The following SLC24A2 variants were observed in gnomAD, a reference collection of about 807,000 sequenced individuals.
The protein encoded by SLC24A2 is solute carrier family 24 member 2.
Under a neutral mutation model 62.0 loss-of-function variants are expected in SLC24A2, and 36 were observed. The observed-to-expected ratio is 0.58, with a 90% CI of 0.44 to 0.77. The LOEUF is 0.77. SLC24A2 is among the 30% of genes least tolerant of loss of function. The pLI, the probability that SLC24A2 is intolerant of heterozygous loss-of-function variation, is 0.00. For missense variants in SLC24A2, 846 were observed against 817.9 expected (o/e 1.03, Z -0.42); for synonymous variants, 358 against 294.0 (o/e 1.22, Z -2.23).
At chr9:20,078,386 C>T in the SLC24A2 span, among the ~76,000 whole-genome samples, 1 of 150,906 alleles carries the variant, frequency 6.6e-6, no homozygotes, top group South Asian at 2.1e-4. Context: ...GCTGAGACTG[C>T]CCTACCCACT....
intron 2 of SLC24A2, among the ~76,000 whole-genome samples, chr9:19,682,405 T>C (rs1228421342): frequency 6.6e-6 from 1 of 152,108 alleles, no homozygotes; most frequent in African/African-American, 2.4e-5. Flanking sequence ...TAATGGATAG[T>C]AGCAGGAATA....
the SLC24A2 span, among the ~76,000 whole-genome samples, chr9:20,176,061 T>C: frequency 6.6e-6 from 1 of 152,062 alleles, no homozygotes; most frequent in African/African-American, 2.4e-5. Flanking sequence ...ACCAGTCTCA[T>C]GCTTCCATGA....
chr9:19,729,637 G>A (rs1455163777), intron 2 of SLC24A2, among the ~76,000 whole-genome samples: 3 of 152,004 alleles, frequency 2.0e-5, no homozygotes, highest in African/African-American at 7.3e-5. Flanking sequence ...ATGTTCTCAC[G>A]CATATGTAGA....
the SLC24A2 span, among the ~76,000 whole-genome samples, chr9:20,271,468 T>C: frequency 6.7e-6 from 1 of 149,184 alleles, no homozygotes; most frequent in African/African-American, 2.4e-5. Flanking sequence ...AATTTCCTTT[T>C]TTATTTTTTC....
At chr9:20,087,917 G>A in the SLC24A2 span, among the ~76,000 whole-genome samples, 1 of 152,170 alleles carries the variant, frequency 6.6e-6, no homozygotes, top group Non-Finnish European at 1.5e-5. Context: ...GGGAAGCGGT[G>A]AGTGAGTGAG....
At chr9:19,826,282 T>C in the SLC24A2 span, among the ~76,000 whole-genome samples, 152 of 151,950 alleles carry the variant, frequency 1.0e-3, no homozygotes, top group African/African-American at 3.2e-3. Flanking sequence ...GGGAGTTACC[T>C]TCTGTTATGG....
At chr9:19,756,926 T>TTTTTTA (rs71335450) in intron 2 of SLC24A2, among the ~76,000 whole-genome samples, 2 of 147,180 alleles carry the variant, frequency 1.4e-5, no homozygotes, top group Non-Finnish European at 3.0e-5. Context: ...TTTTTTTTTT[T>TTTTTTA]AGAGACAATG....
the SLC24A2 span, among the ~76,000 whole-genome samples, chr9:19,850,950 T>TAC: frequency 2.2e-5 from 1 of 44,652 alleles, no homozygotes; most frequent in South Asian, 6.2e-4. Context: ...TATATACATA[T>TAC]ATATATATAT....
At chr9:19,859,319 G>A in the SLC24A2 span, among the ~76,000 whole-genome samples, 1 of 152,052 alleles carries the variant, frequency 6.6e-6, no homozygotes, top group Non-Finnish European at 1.5e-5. Flanking sequence ...CACAAAGAGG[G>A]GAACAATAGA....
intron 7 of SLC24A2, among the ~76,000 whole-genome samples, chr9:19,560,702 C>T (rs142172503): frequency 7.2e-5 from 11 of 152,216 alleles, no homozygotes; most frequent in African/African-American, 2.6e-4. Context: ...AATACAATGC[C>T]CATAAGGATG....
At chr9:19,949,420 G>A in the SLC24A2 span, among the ~76,000 whole-genome samples, 1 of 152,070 alleles carries the variant, frequency 6.6e-6, no homozygotes, top group African/African-American at 2.4e-5. Context: ...GGAAATGTAT[G>A]TGATCATACT....
At chr9:20,011,972 G>A in the SLC24A2 span, among the ~76,000 whole-genome samples, 2 of 152,016 alleles carry the variant, frequency 1.3e-5, no homozygotes, top group African/African-American at 2.4e-5. Context: ...CATAAAAACT[G>A]ACAAAAGTCA....
chr9:19,599,104 T>C lies in SLC24A2; in HGVS notation c.1079-1825A>G, dbSNP rs954423712. On this transcript the variant is annotated intron_variant, in intron 4 of 10. Transcript: ENST00000341998. This position sits in a 1 kb window ranked among gnomAD's most constrained non-coding sequence, Gnocchi z 4.5. ...GTATGCACACACTTATTTTCACATATCAATCCCAACTTTCAAATATCTGCT... is the reference window on the plus strand; with the variant it reads ...GTATGCACACACTTATTTTCACATACCAATCCCAACTTTCAAATATCTGCT... Among the ~76,000 whole-genome samples the C allele has an allele frequency of 6.6e-6, 1 of 152,260 alleles. No individual in the cohort carries two copies. Among genetic ancestry groups the C allele is most frequent in the Non-Finnish European group, 1.5e-5 (1 of 68,046 alleles).
At chr9:19,735,072 C>T (rs1447856506) in intron 2 of SLC24A2, among the ~76,000 whole-genome samples, 1 of 151,972 alleles carries the variant, frequency 6.6e-6, no homozygotes, top group East Asian at 1.9e-4. Flanking sequence ...AGTGAACAGG[C>T]AACCTACAGA....
chr9:20,131,064 G>T, the SLC24A2 span, among the ~76,000 whole-genome samples: 4 of 151,978 alleles, frequency 2.6e-5, no homozygotes, highest in African/African-American at 9.7e-5. Context: ...AAGAATGTGG[G>T]CTCTGTAACA....
At chr9:19,566,527 G>C (rs1273610126) in intron 7 of SLC24A2, among the ~76,000 whole-genome samples, 1 of 151,770 alleles carries the variant, frequency 6.6e-6, no homozygotes, top group Non-Finnish European at 1.5e-5. Context: ...CTGTAAACTA[G>C]TTCAACCATT....
At chr9:20,014,953 A>G in the SLC24A2 span, among the ~76,000 whole-genome samples, 1 of 152,250 alleles carries the variant, frequency 6.6e-6, no homozygotes, top group Admixed American at 6.5e-5. Flanking sequence ...TAATCATGCT[A>G]CATTGTATAC....
chr9:20,052,847 G>C, the SLC24A2 span, among the ~76,000 whole-genome samples: 1 of 152,112 alleles, frequency 6.6e-6, no homozygotes, highest in Non-Finnish European at 1.5e-5. Flanking sequence ...TATTCTTAGA[G>C]ACTTCCTGGG....
At chr9:20,235,021 G>T in the SLC24A2 span, among the ~76,000 whole-genome samples, 3 of 152,250 alleles carry the variant, frequency 2.0e-5, no homozygotes, top group East Asian at 3.8e-4. Context: ...GGTATCAGCA[G>T]CAGTGGCTGC....
Sources: allele counts gnomAD v4.1 joint callset (sites outside exome capture counted in the v4.1 genomes callset), GRCh38; gene constraint gnomAD v4.1.1; non-coding constraint Gnocchi (gnomAD v3.1); transcripts MANE v1.5; gene names NCBI Gene and HGNC (gene_info 2026-07-23, HGNC 2026-07-21).